Variants in LRBA observed in about 807,000 individuals in gnomAD.
The protein encoded by LRBA is lipopolysaccharide-responsive and beige-like anchor protein.
In LRBA, 176 loss-of-function variants were observed where a neutral mutation model predicts 330.0. That is an observed-to-expected ratio of 0.53 (90% CI 0.47 to 0.60). LRBA has a LOEUF of 0.60. LRBA is among the 20% of genes least tolerant of loss of function. The probability of loss-of-function intolerance (pLI) is 0.00; values close to 1 mark genes in which losing one functional copy is unlikely to be tolerated. For missense variants in LRBA, 3,259 were observed against 3,444.8 expected (o/e 0.95, Z 1.35); for synonymous variants, 1,230 against 1,193.0 (o/e 1.03, Z -0.64).
chr4:150,849,080 T>C (rs113770684), intron 25 of LRBA, 82 bp from the exon 26 acceptor site: 2 of 904,022 alleles, frequency 2.2e-6, no homozygotes, highest in African/African-American at 1.7e-5. Flanking sequence ...AATTTATAAA[T>C]TGCATAAGTA....
At chr4:150,835,970 G>T (rs999004506) in intron 28 of LRBA, among the ~76,000 whole-genome samples, 1 of 152,128 alleles carries the variant, frequency 6.6e-6, no homozygotes, top group Non-Finnish European at 1.5e-5. Flanking sequence ...TTTGAGATAC[G>T]TCCCATCAAT....
rs543575460 is a variant in LRBA, at chr4:150,723,150, T to C, written c.5754+12108A>G. The stretch of plus-strand genomic sequence containing the variant: ...GACACAAGGACGGCAATTTCTAGGC[T>C]CCTCCTAGTGCTGGGTTGGGCTCAG... On this transcript the variant is annotated intron_variant, in intron 36 of 56. Coordinates refer to ENST00000651943, the MANE Select transcript of LRBA (RefSeq NM_001364905.1). Among the ~76,000 whole-genome samples, 3 of 152,188 alleles carry C rather than the reference T, an allele frequency of 2.0e-5. No individual in the cohort carries two copies. The East Asian group carries it at 5.8e-4, about 29-fold the overall frequency.
chr4:150,874,607 T>C lies in LRBA; in HGVS notation c.2166-1852A>G, dbSNP rs577457117. Among the ~76,000 whole-genome samples, 13 of 152,318 alleles carry C rather than the reference T, an allele frequency of 8.5e-5. 1 individual carries two copies. The highest frequency in any genetic ancestry group is 2.4e-4 in the African/African-American group (10 of 41,574). On this transcript the variant is annotated intron_variant, in intron 17 of 56. Transcript: ENST00000651943. The stretch of plus-strand genomic sequence containing the variant: ...GCAGCTTGGTGACCTGGAACCAGTC[T>C]GCATGTGTCATTGCTGGGTGCTCCA...
chr4:150,738,932 T>C (rs1731581761), intron 35 of LRBA, among the ~76,000 whole-genome samples: 1 of 151,656 alleles, frequency 6.6e-6, no homozygotes, highest in Non-Finnish European at 1.5e-5. Flanking sequence ...CCTAAACATA[T>C]CAGAAATACA....
intron 40 of LRBA, among the ~76,000 whole-genome samples, chr4:150,569,043 T>C (rs567449856): frequency 1.3e-5 from 2 of 152,264 alleles, no homozygotes; most frequent in East Asian, 3.9e-4. Context: ...TGACAATACC[T>C]ACCTCAAGGG....
At position 150,829,183 on chromosome 4, in the gene LRBA, G is replaced by A. The variant is rs558564813; in HGVS notation, c.4730-562C>T. On this transcript the variant is annotated intron_variant, in intron 29 of 56. Coordinates refer to ENST00000651943, the MANE Select transcript of LRBA (RefSeq NM_001364905.1). ...ACTCCTGAGCTCAAGCAATCTACCTGCCTCGGCCTCCCAAAGTGCTAGGAT... is the reference window on the plus strand; with the variant it reads ...ACTCCTGAGCTCAAGCAATCTACCTACCTCGGCCTCCCAAAGTGCTAGGAT... Among the ~76,000 whole-genome samples, 8 of 152,132 alleles carry A rather than the reference G, an allele frequency of 5.3e-5. No individual in the cohort carries two copies. In the South Asian group the frequency reaches 1.7e-3, roughly 32 times the overall value.
At chr4:150,682,924 C>T (rs1433942763) in intron 37 of LRBA, among the ~76,000 whole-genome samples, 1 of 151,882 alleles carries the variant, frequency 6.6e-6, no homozygotes, top group South Asian at 2.1e-4. Flanking sequence ...GTCCAAGTTC[C>T]TTAGTCTTAA....
At chr4:150,710,994 A>G (rs1786138065) in intron 36 of LRBA, among the ~76,000 whole-genome samples, 2 of 151,970 alleles carry the variant, frequency 1.3e-5, no homozygotes, top group South Asian at 2.1e-4. Flanking sequence ...AGATTGCACC[A>G]CTAATTCCCA....
At chr4:150,330,261 C>T (rs909398285) in intron 48 of LRBA, among the ~76,000 whole-genome samples, 1 of 152,152 alleles carries the variant, frequency 6.6e-6, no homozygotes, top group Non-Finnish European at 1.5e-5. Flanking sequence ...AATGGTCACT[C>T]TTATCTTCAG....
chr4:150,666,593 T>C (rs1027917949), intron 37 of LRBA, among the ~76,000 whole-genome samples: 1 of 152,174 alleles, frequency 6.6e-6, no homozygotes, highest in Non-Finnish European at 1.5e-5. Flanking sequence ...TTCAGTATTA[T>C]ATGTAATCTA....
intron 48 of LRBA, among the ~76,000 whole-genome samples, chr4:150,339,518 C>A (rs988686848): frequency 2.0e-5 from 3 of 151,986 alleles, no homozygotes; most frequent in Non-Finnish European, 2.9e-5. Context: ...TTGTGTTTGG[C>A]TTTTTTTCTC....
chr4:150,650,376 A>C (rs554124274), intron 37 of LRBA, among the ~76,000 whole-genome samples: 103 of 152,348 alleles, frequency 6.8e-4, no homozygotes, highest in Non-Finnish European at 1.0e-3. Flanking sequence ...TTTAATAACC[A>C]AGAAAACATT....
intron 2 of LRBA, among the ~76,000 whole-genome samples, chr4:150,935,399 A>C (rs966803923): frequency 6.6e-6 from 1 of 152,164 alleles, no homozygotes; most frequent in Non-Finnish European, 1.5e-5. Context: ...CATTTCTGAT[A>C]CCAACTATAA....
intron 47 of LRBA, among the ~76,000 whole-genome samples, chr4:150,396,379 A>G (rs534362436): frequency 5.3e-5 from 8 of 151,876 alleles, no homozygotes; most frequent in Non-Finnish European, 1.2e-4. Context: ...CTTGGGCTGA[A>G]TTGTACCACC....
At chr4:150,877,259 A>G (rs963768754) in intron 17 of LRBA, among the ~76,000 whole-genome samples, 2 of 124,860 alleles carry the variant, frequency 1.6e-5, no homozygotes, top group African/African-American at 7.5e-5. Flanking sequence ...CTCCGTATCA[A>G]AAAAAAAAAA....
At chr4:150,930,935 C>A (rs78974558) in intron 2 of LRBA, among the ~76,000 whole-genome samples, 1,726 of 152,268 alleles carry the variant, frequency 0.011, 16 homozygotes, top group Middle Eastern at 0.02. Flanking sequence ...TGCTTGGTTC[C>A]CTAGTCCTCC....
intron 34 of LRBA, among the ~76,000 whole-genome samples, chr4:150,797,357 AT>A (rs1399768040): frequency 6.6e-6 from 1 of 151,956 alleles, no homozygotes; most frequent in Non-Finnish European, 1.5e-5. Context: ...AAAAAAGGCT[AT>A]TTTAAAGTTT....
intron 22 of LRBA, among the ~76,000 whole-genome samples, chr4:150,858,710 T>C (rs1751520962): frequency 6.6e-6 from 1 of 152,118 alleles, no homozygotes; most frequent in Admixed American, 6.6e-5. Flanking sequence ...GTATTTTTAG[T>C]AGAGACAGGG....
intron 46 of LRBA, among the ~76,000 whole-genome samples, chr4:150,418,913 A>C (rs753316615): frequency 6.6e-6 from 1 of 152,122 alleles, no homozygotes; most frequent in Non-Finnish European, 1.5e-5. Flanking sequence ...AACAGGCATA[A>C]ATTTTTTCCA....
Sources: gnomAD v4.1 joint callset for allele counts (sites outside exome capture counted in the v4.1 genomes callset) on GRCh38, gnomAD v4.1.1 for gene constraint, MANE v1.5 for transcripts, NCBI Gene and HGNC (gene_info 2026-07-23, HGNC 2026-07-21) for gene names.